Variants in MYH14 observed in about 807,000 individuals in gnomAD.
MYH14 encodes the protein myosin heavy chain 14, also known as myosin-14.
MYH14 carries 123 observed loss-of-function variants against 255.5 expected under a neutral mutation model. The observed-to-expected ratio is 0.48, with a 90% confidence interval of 0.42 to 0.56. MYH14 has a LOEUF of 0.56. MYH14 is among the 20% of genes least tolerant of loss of function. The pLI is 0.00. For missense variants in MYH14, 2,423 were observed against 2,802.3 expected (o/e 0.86, Z 3.06); for synonymous variants, 1,095 against 1,161.2 (o/e 0.94, Z 1.16).
Position 50,310,171 on chromosome 19 carries a change from TTCTCTCTCTCTC to T in MYH14, c.*392_*403del. ...AGCCAGTGCAACCCATTCCCTCTGCTTCTCTCTCTCTCTCTCTCTCTCCCTCCCTCTCCTTCC... is the reference window on the plus strand; with the variant it reads ...AGCCAGTGCAACCCATTCCCTCTGCTTCTCTCTCTCCCTCCCTCTCCTTCC... On this transcript the variant is annotated 3_prime_UTR_variant, in exon 43 of 43. Coordinates refer to ENST00000642316, the MANE Select transcript of MYH14 (RefSeq NM_001145809.2). The T allele has an allele frequency of 4.2e-6, 1 of 240,474 alleles. No homozygotes were observed. Among genetic ancestry groups the T allele is most frequent in the Non-Finnish European group, 8.0e-6 (1 of 125,244 alleles). 14.9% of individuals were successfully genotyped at this position (240,474 alleles called of 1,614,324 possible). A position where few individuals can be genotyped will look rare whatever the true frequency, so the allele number is the denominator to read the frequency against.
rs376288859 is a variant in MYH14, at chr19:50,286,612, G to C, written c.4670G>C (p.Arg1557Pro). 2 of 1,602,770 alleles carry C rather than the reference G, an allele frequency of 1.2e-6. No homozygotes were observed. Among genetic ancestry groups the C allele is most frequent in the Non-Finnish European group, 1.7e-6 (2 of 1,174,982 alleles). Residue 1557 changes from arginine (R) to proline (P), a missense_variant, in exon 34 of 43, where the codon CGT becomes CCT. Arg to Pro is a moderately radical substitution (Grantham distance 103). Around this residue, in one of 3 missense-constraint regions of MYH14, gnomAD observed 1,513 missense variants for 1,674.8 expected, o/e 0.90. Transcript: ENST00000642316. Reference protein sequence around the residue: ...TRALEEEQEAREELERQNRAL... With the variant: ...TRALEEEQEAPEELERQNRAL... ...GCACTGGAGGAGGAGCAGGAGGCACGTGAGGAGCTGGAGCGGCAGAACCGG... is the reference window on the plus strand; with the variant it reads ...GCACTGGAGGAGGAGCAGGAGGCACCTGAGGAGCTGGAGCGGCAGAACCGG...
intron 30 of MYH14, among the ~76,000 whole-genome samples, chr19:50,279,489 C>T (rs995684932): frequency 7.2e-5 from 11 of 152,148 alleles, no homozygotes; most frequent in East Asian, 3.9e-4. Context: ...CAAAATTAGC[C>T]GGGTGTGGTG....
chr19:50,234,797 G>T (rs2033582172), intron 10 of MYH14, among the ~76,000 whole-genome samples: 1 of 152,096 alleles, frequency 6.6e-6, no homozygotes, highest in African/African-American at 2.4e-5. Flanking sequence ...TCTGATTTTT[G>T]GAATTCAGAA....
At chr19:50,268,407 C>A in intron 24 of MYH14, 40 bp downstream of exon 24, 11 of 1,539,202 alleles carry the variant, frequency 7.1e-6, no homozygotes, top group Non-Finnish European at 9.6e-6. Flanking sequence ...CCCTCCAGAC[C>A]CCTCTGTCTA....
chr19:50,244,316 G>C lies in MYH14; in HGVS notation c.1189G>C (p.Ala397Pro). The C allele has an allele frequency of 6.2e-7, 1 of 1,613,536 alleles. No homozygotes were observed. Among genetic ancestry groups the C allele is most frequent in the Non-Finnish European group, 8.5e-7 (1 of 1,179,838 alleles). The change falls in exon 11 of 43, where the codon GCC (alanine) becomes CCC (proline). Residue 397 changes from alanine (A) to proline (P), a missense_variant. Ala to Pro is a conservative substitution (Grantham distance 27). This residue lies in a region of MYH14 where 672 missense variants were observed against 881.8 expected (regional missense o/e 0.76). Coordinates refer to ENST00000642316, the MANE Select transcript of MYH14 (RefSeq NM_001145809.2). ...ALKRERNTDQATMPDNTAAQK... is the reference protein window; with the variant it reads ...ALKRERNTDQPTMPDNTAAQK... ...GAAGAGAGAACGGAACACCGATCAA[G>C]CCACCATGCCTGACAACACAGGTAC... is the stretch of plus-strand genomic sequence containing the variant.
At position 50,293,775 on chromosome 19, in the gene MYH14, AG is replaced by A. The variant is rs909933066; in HGVS notation, c.5469+92del. Reference sequence around the variant, plus strand: ...GTCCTCTTATTCAACAAATATAGAAAGGGGATATTTGAGTTGGGTTTTGAAG... The same window carrying A: ...GTCCTCTTATTCAACAAATATAGAAAGGGATATTTGAGTTGGGTTTTGAAG... On this transcript the variant is annotated intron_variant, in intron 39 of 42. Coordinates refer to ENST00000642316, the MANE Select transcript of MYH14 (RefSeq NM_001145809.2). This position sits in a 1 kb window ranked among gnomAD's most constrained non-coding sequence, Gnocchi z 4.1. The A allele has an allele frequency of 7.1e-7, 1 of 1,401,958 alleles. No individual in the cohort carries two copies. Among genetic ancestry groups the A allele is most frequent in the African/African-American group, 1.4e-5 (1 of 70,058 alleles). 86.8% of individuals were successfully genotyped at this position (1,401,958 alleles called of 1,614,324 possible). A position where few individuals can be genotyped will look rare whatever the true frequency, so the allele number is the denominator to read the frequency against.
intron 10 of MYH14, among the ~76,000 whole-genome samples, chr19:50,239,996 C>A (rs966727452): frequency 6.6e-6 from 1 of 152,136 alleles, no homozygotes; most frequent in Non-Finnish European, 1.5e-5. Context: ...ATGTCCCTTC[C>A]CACCACCAGC....
chr19:50,241,564 T>C (rs1407723605), intron 10 of MYH14, among the ~76,000 whole-genome samples: 1 of 152,120 alleles, frequency 6.6e-6, no homozygotes, highest in South Asian at 2.1e-4. Context: ...TCAATTTTGA[T>C]TGAGTCCTGA....
intron 10 of MYH14, among the ~76,000 whole-genome samples, chr19:50,239,532 C>G (rs150416848): frequency 6.6e-6 from 1 of 152,104 alleles, no homozygotes; most frequent in Non-Finnish European, 1.5e-5. Context: ...CTCCCACCCC[C>G]ACTCACACAC....
chr19:50,210,342 C>G, intron 1 of MYH14, 21 bp from the exon 2 acceptor site: 1 of 1,570,880 alleles, frequency 6.4e-7, no homozygotes, highest in East Asian at 2.4e-5. Flanking sequence ...TGACCCCCAC[C>G]CTCTTTCTTT....
At chr19:50,298,619 C>T (rs745478087) in intron 39 of MYH14, among the ~76,000 whole-genome samples, 15 of 151,534 alleles carry the variant, frequency 9.9e-5, no homozygotes, top group Non-Finnish European at 1.5e-4. Context: ...GGCGTGGTGG[C>T]GGGTGCCTGT....
chr19:50,308,220 A>ACG (rs2036719654), intron 41 of MYH14: 2 of 152,260 alleles, frequency 1.3e-5, no homozygotes, highest in African/African-American at 4.8e-5. Flanking sequence ...GCCTTGAAGA[A>ACG]TAGAAATACG....
At chr19:50,277,015 T>C in intron 29 of MYH14, 114 bp downstream of exon 29, 1 of 718,190 alleles carries the variant, frequency 1.4e-6, no homozygotes, top group Non-Finnish European at 2.3e-6. Flanking sequence ...CCTGGGCCCC[T>C]TTCCTCACGC....
chr19:50,305,475 G>GA (rs774538254), intron 40 of MYH14, among the ~76,000 whole-genome samples: 5 of 152,054 alleles, frequency 3.3e-5, no homozygotes, highest in Non-Finnish European at 5.9e-5. Flanking sequence ...CAGGCAGAAG[G>GA]AAACGGCCCC....
In MYH14 at chr19:50,232,080, C is replaced by T. The variant is rs1214494252; in HGVS notation, c.1114+10C>T. On this transcript the variant is annotated intron_variant, in intron 10 of 42. Coordinates refer to ENST00000642316, the MANE Select transcript of MYH14 (RefSeq NM_001145809.2). ...CACGAGGAAATCATCTGTGAGTGAG[C>T]CCCGTGGAGGCCAGGGGTAGGGGGG... is the stretch of plus-strand genomic sequence containing the variant. 1.2e-6 allele frequency: 2 copies of T among 1,610,476 alleles called. No individual in the cohort carries two copies. Among genetic ancestry groups the T allele is most frequent in the African/African-American group, 1.3e-5 (1 of 75,068 alleles).
rs1284422786 is a variant in MYH14, at chr19:50,286,563, G to A, written c.4621G>A (p.Ala1541Thr). 1.2e-6 allele frequency: 2 copies of A among 1,611,234 alleles called. No homozygotes were observed. Among genetic ancestry groups the A allele is most frequent in the Non-Finnish European group, 1.7e-6 (2 of 1,178,982 alleles). The change falls in exon 34 of 43, where the codon GCT (alanine) becomes ACT (threonine). Residue 1541 changes from alanine (A) to threonine (T), a missense_variant. Physicochemically the swap from Ala to Thr is moderately conservative, Grantham distance 58. Around this residue, in one of 3 missense-constraint regions of MYH14, gnomAD observed 1,513 missense variants for 1,674.8 expected, o/e 0.90. Coordinates refer to ENST00000642316, the MANE Select transcript of MYH14 (RefSeq NM_001145809.2). ...RAEAEGRERE[A>T]RALSLTRALE... ...CGAGGCAGAGGGCCGGGAGCGTGAG[G>A]CTCGGGCCCTGTCACTGACACGGGC...
chr19:50,248,829 CTGT>C (rs2034238166), intron 12 of MYH14, among the ~76,000 whole-genome samples, 155 bp from the exon 13 acceptor site: 1 of 152,252 alleles, frequency 6.6e-6, no homozygotes, highest in African/African-American at 2.4e-5. Flanking sequence ...GAATGTCTGC[CTGT>C]TGTTCATGGC....
At chr19:50,248,865 C>T (rs2034239150) in intron 12 of MYH14, 122 bp from the exon 13 acceptor site, 3 of 922,082 alleles carry the variant, frequency 3.3e-6, no homozygotes, top group Middle Eastern at 3.3e-4. Context: ...GGTACTTACA[C>T]TCAAGGAGCT....
chr19:50,232,593 C>CAAAAAA (rs532232129), intron 10 of MYH14, among the ~76,000 whole-genome samples: 59 of 63,696 alleles, frequency 9.3e-4, no homozygotes, highest in South Asian at 1.4e-3. Context: ...GACTCTGTCT[C>CAAAAAA]AAAAAAAAAA....
Sources: allele counts gnomAD v4.1 joint callset (sites outside exome capture counted in the v4.1 genomes callset), GRCh38; gene constraint gnomAD v4.1.1; regional missense constraint gnomAD v4.1.1; non-coding constraint Gnocchi (gnomAD v3.1); transcripts MANE v1.5; gene names NCBI Gene and HGNC (gene_info 2026-07-23, HGNC 2026-07-21).